The following KDM4B variants were observed in gnomAD, a reference collection of about 807,000 sequenced individuals.
KDM4B encodes lysine-specific demethylase 4B.
In KDM4B, 32 loss-of-function variants were observed where a neutral mutation model predicts 125.2. The observed-to-expected ratio is 0.26, with a 90% CI of 0.19 to 0.34. KDM4B has a LOEUF of 0.34. Among genes scored for constraint, KDM4B ranks in the 10% least tolerant of loss-of-function variants. KDM4B has a pLI of 1.00. For missense variants in KDM4B, 1,190 were observed against 1,577.7 expected, an observed-to-expected ratio of 0.75 and a Z score of 4.16; for synonymous variants, 721 against 677.9, an observed-to-expected ratio of 1.06 and a Z score of -0.99.
intron 9 of KDM4B, among the ~76,000 whole-genome samples, chr19:5,088,499 G>A (rs1005999244): frequency 6.6e-6 from 1 of 152,168 alleles, no homozygotes; most frequent in Admixed American, 6.5e-5. Context: ...GAGGTCGATG[G>A]GGGGGAGGTT....
At position 5,103,479 on chromosome 19, in the gene KDM4B, G is replaced by A. The variant is rs139091144; in HGVS notation, c.919-7143G>A. Among the ~76,000 whole-genome samples, 502 of 152,276 alleles carry A rather than the reference G, an allele frequency of 3.3e-3. 6 individuals are homozygous for A. The highest frequency in any genetic ancestry group is 3.6e-3 in the Non-Finnish European group (245 of 68,016). ...CCTGCGTCAAGAATATCGGGCTGTC[G>A]GACGCGTCAGTCTTCAGGGGCAGGT... On this transcript the variant is annotated intron_variant, in intron 9 of 22. Coordinates refer to ENST00000159111, the MANE Select transcript of KDM4B (RefSeq NM_015015.3).
intron 10 of KDM4B, among the ~76,000 whole-genome samples, chr19:5,113,637 CTGGT>C (rs1402829119): frequency 1.3e-5 from 2 of 152,188 alleles, no homozygotes; most frequent in Non-Finnish European, 2.9e-5. Context: ...GGATCCTTCT[CTGGT>C]TGGGGGAGCA....
At chr19:4,998,140 C>A (rs144429854) in intron 1 of KDM4B, among the ~76,000 whole-genome samples, 76 of 152,310 alleles carry the variant, frequency 5.0e-4, no homozygotes, top group Non-Finnish European at 9.8e-4. Flanking sequence ...GTGGCTCCAT[C>A]CCCTCGCCTG....
rs1006192249 is a variant in KDM4B, at chr19:5,037,339, C to T, written c.142-2497C>T. On this transcript the variant is annotated intron_variant, in intron 3 of 22. Coordinates refer to ENST00000159111, the MANE Select transcript of KDM4B (RefSeq NM_015015.3). ...CATACCACTCAGTTCTCTGTAGTAA[C>T]ATCTCGTGTCTGGGACACAGGCCCT... Among the ~76,000 whole-genome samples the T allele has an allele frequency of 2.0e-5, 3 of 152,156 alleles. No individual in the cohort carries two copies. The South Asian group carries it at 6.2e-4, about 32-fold the overall frequency.
rs144297488 is a variant in KDM4B, at chr19:5,023,951, C to T, written c.-26+7612C>T. On this transcript the variant is annotated intron_variant, in intron 2 of 22. Transcript: ENST00000159111. ...TAAATTTTTTGTAGAGATGGGGTCT[C>T]GCTATGTTCAGGCTCATCCTGAACA... Among the ~76,000 whole-genome samples, 1,395 of 151,920 alleles carry T rather than the reference C, an allele frequency of 9.2e-3. 27 individuals carry two copies. The highest frequency in any genetic ancestry group is 0.032 in the African/African-American group (1,332 of 41,406).
At chr19:5,014,831 T>C (rs1402402417) in intron 1 of KDM4B, among the ~76,000 whole-genome samples, 2 of 151,720 alleles carry the variant, frequency 1.3e-5, no homozygotes, top group Non-Finnish European at 2.9e-5. Flanking sequence ...CCGTCTCTAC[T>C]AAAAATACAA....
At chr19:4,988,559 GC>G (rs2034925527) in intron 1 of KDM4B, among the ~76,000 whole-genome samples, 1 of 152,106 alleles carries the variant, frequency 6.6e-6, no homozygotes, top group South Asian at 2.1e-4. Context: ...ACAGGCATGA[GC>G]CACCGTGCCC....
intron 9 of KDM4B, among the ~76,000 whole-genome samples, chr19:5,093,188 C>T (rs2038746497): frequency 6.6e-6 from 1 of 152,200 alleles, no homozygotes; most frequent in African/African-American, 2.4e-5. Flanking sequence ...TCCTGGTGGC[C>T]TGGGGTCAGG....
chr19:4,973,560 A>G (rs1274067263), intron 1 of KDM4B, among the ~76,000 whole-genome samples: 1 of 152,190 alleles, frequency 6.6e-6, no homozygotes, highest in Admixed American at 6.5e-5. Context: ...GAAAATTTGT[A>G]TCTTCCCAAA....
At chr19:5,025,323 G>T (rs1382248219) in intron 2 of KDM4B, among the ~76,000 whole-genome samples, 1 of 152,246 alleles carries the variant, frequency 6.6e-6, no homozygotes, top group Non-Finnish European at 1.5e-5. Flanking sequence ...GCCAGGAGCA[G>T]CTGTAGACTC....
Position 4,983,513 on chromosome 19 carries a change from G to A in KDM4B, c.-109+14283G>A, listed in dbSNP as rs558574243. On this transcript the variant is annotated intron_variant, in intron 1 of 22. Coordinates refer to ENST00000159111, the MANE Select transcript of KDM4B (RefSeq NM_015015.3). ...AGTGGGCTCTCGCCCACAGTCTCTC[G>A]CCTTTGCCAGGGAGCACTGAACCGT... Among the ~76,000 whole-genome samples, 31 of 152,326 alleles carry A rather than the reference G, an allele frequency of 2.0e-4. No individual in the cohort carries two copies. In the East Asian group the frequency reaches 3.5e-3, roughly 17 times the overall value.
chr19:5,139,786 G>A (rs2039709466), intron 18 of KDM4B, among the ~76,000 whole-genome samples: 1 of 152,232 alleles, frequency 6.6e-6, no homozygotes, highest in South Asian at 2.1e-4. Flanking sequence ...TTGTGGTTGA[G>A]TTGGAGGATC....
At chr19:5,013,834 C>T (rs2035805397) in intron 1 of KDM4B, among the ~76,000 whole-genome samples, 1 of 152,232 alleles carries the variant, frequency 6.6e-6, no homozygotes, top group African/African-American at 2.4e-5. Flanking sequence ...AACCATTGTT[C>T]TGCTGCCCAC....
intron 9 of KDM4B, among the ~76,000 whole-genome samples, chr19:5,101,085 G>A (rs2038921591): frequency 6.6e-6 from 1 of 151,948 alleles, no homozygotes; most frequent in South Asian, 2.1e-4. Context: ...AGCTGGGCAT[G>A]GCGGTGGGTG....
intron 9 of KDM4B, among the ~76,000 whole-genome samples, chr19:5,108,143 C>T (rs548957837): frequency 5.3e-5 from 8 of 152,366 alleles, no homozygotes; most frequent in East Asian, 3.9e-4. Flanking sequence ...GCCTGTCCCC[C>T]CTCCACGGGT....
intron 11 of KDM4B, among the ~76,000 whole-genome samples, chr19:5,127,072 G>C (rs1259820435): frequency 6.6e-6 from 1 of 152,178 alleles, no homozygotes; most frequent in Non-Finnish European, 1.5e-5. Flanking sequence ...AGTGAGCCCT[G>C]GTGGTGGGGT....
chr19:4,983,304 C>G (rs931613311), intron 1 of KDM4B, among the ~76,000 whole-genome samples: 2 of 152,106 alleles, frequency 1.3e-5, no homozygotes, highest in African/African-American at 4.8e-5. Context: ...CCAGGGCCCA[C>G]GCTCCTTCCT....
In KDM4B at chr19:5,142,713, G is replaced by C. The variant is rs1465023123; in HGVS notation, c.2551-1254G>C. Among the ~76,000 whole-genome samples, 1 of 152,104 alleles carries C rather than the reference G, an allele frequency of 6.6e-6. No individual in the cohort carries two copies. The highest frequency in any genetic ancestry group is 2.4e-5 in the African/African-American group (1 of 41,426). On this transcript the variant is annotated intron_variant, in intron 18 of 22. Transcript: ENST00000159111. The surrounding 1 kb of genome is among the most constrained non-coding windows in gnomAD (Gnocchi z 5.4). The stretch of plus-strand genomic sequence containing the variant: ...CTACACACTGGCTACTCTGCCGGAG[G>C]GGGAGGCCGTGCTGGAGTGATGCCT...
intron 4 of KDM4B, among the ~76,000 whole-genome samples, chr19:5,040,408 A>G (rs976320620): frequency 6.6e-6 from 1 of 152,124 alleles, no homozygotes; most frequent in Non-Finnish European, 1.5e-5. Context: ...GGGCACATGT[A>G]ACACACATGG....
Sources: gnomAD v4.1 joint callset for allele counts (sites outside exome capture counted in the v4.1 genomes callset) on GRCh38, gnomAD v4.1.1 for gene constraint, Gnocchi (gnomAD v3.1) non-coding constraint, MANE v1.5 for transcripts, NCBI Gene and HGNC (gene_info 2026-07-23, HGNC 2026-07-21) for gene names.